Variants in CNIH3 observed in about 807,000 individuals in gnomAD.
The protein encoded by CNIH3 is cornichon family AMPA receptor auxiliary protein 3, also known as protein cornichon homolog 3.
A neutral mutation model predicts 24.1 loss-of-function variants in CNIH3; 14 were observed. The observed-to-expected ratio is 0.58, with a 90% confidence interval of 0.38 to 0.91. The LOEUF is 0.91. CNIH3 is among the 40% of genes least tolerant of loss of function. The pLI is 0.00. For synonymous variants in CNIH3, 68 were observed against 73.8 expected (o/e 0.92, Z 0.40); for missense variants, 178 against 196.8 (o/e 0.90, Z 0.57).
chr1:224,444,552 A>G (rs1675063443), intron 1 of CNIH3, among the ~76,000 whole-genome samples: 1 of 151,318 alleles, frequency 6.6e-6, no homozygotes, highest in Non-Finnish European at 1.5e-5. Context: ...GTTTCACCAT[A>G]TTGGCCAGGC....
At chr1:224,608,638 C>T (rs144407897) in intron 3 of CNIH3, among the ~76,000 whole-genome samples, 80 of 152,306 alleles carry the variant, frequency 5.3e-4, no homozygotes, top group African/African-American at 1.5e-3. Context: ...GCCCAGGGCA[C>T]GGCGCCGGGC....
intron 1 of CNIH3, among the ~76,000 whole-genome samples, chr1:224,673,314 T>TG (rs960152990): frequency 1.3e-5 from 2 of 152,176 alleles, no homozygotes; most frequent in Admixed American, 1.3e-4. Flanking sequence ...CTGTCTATTT[T>TG]GGGGAGCTGC....
upstream of CNIH3, among the ~76,000 whole-genome samples, chr1:224,615,046 C>T (rs1259852735): frequency 6.6e-6 from 1 of 152,166 alleles, no homozygotes; most frequent in African/African-American, 2.4e-5. Context: ...GATTAGGAGT[C>T]CGCAGACAGG....
At chr1:224,699,126 C>G (rs1216997666) in intron 3 of CNIH3, among the ~76,000 whole-genome samples, 1 of 152,178 alleles carries the variant, frequency 6.6e-6, no homozygotes. Context: ...TTTTTCAGAG[C>G]AAGCTTGGCA....
At chr1:224,523,195 G>C (rs1486783098) in intron 2 of CNIH3, among the ~76,000 whole-genome samples, 1 of 151,778 alleles carries the variant, frequency 6.6e-6, no homozygotes, top group Non-Finnish European at 1.5e-5. Flanking sequence ...GCTATGATTG[G>C]GCCACTGCAC....
chr1:224,687,386 C>A (rs539483724), intron 3 of CNIH3, among the ~76,000 whole-genome samples: 14 of 152,274 alleles, frequency 9.2e-5, no homozygotes, highest in African/African-American at 3.4e-4. Context: ...GCATGCACCA[C>A]CATGCCTGGC....
At chr1:224,617,882 G>T (rs577212943) in intron 1 of CNIH3, among the ~76,000 whole-genome samples, 2 of 152,274 alleles carry the variant, frequency 1.3e-5, no homozygotes, top group African/African-American at 4.8e-5. Context: ...AAGTCACGAA[G>T]AGAGACCGTG....
intron 3 of CNIH3, among the ~76,000 whole-genome samples, chr1:224,698,357 G>A (rs1413070612): frequency 3.3e-5 from 5 of 152,214 alleles, no homozygotes; most frequent in African/African-American, 1.2e-4. Context: ...GGAGGTAGGC[G>A]GGGAACACGC....
intron 3 of CNIH3, among the ~76,000 whole-genome samples, chr1:224,605,494 T>C (rs1184638418): frequency 6.6e-6 from 1 of 152,220 alleles, no homozygotes; most frequent in Non-Finnish European, 1.5e-5. Context: ...GTAAAACTAA[T>C]GAAAGGCCAC....
intron 4 of CNIH3, among the ~76,000 whole-genome samples, chr1:224,733,578 A>G (rs1689443140): frequency 6.6e-6 from 1 of 152,198 alleles, no homozygotes; most frequent in African/African-American, 2.4e-5. Context: ...GCGAGTTGCT[A>G]CATTGCAGGA....
At chr1:224,519,000 G>A (rs1416002453) in intron 1 of CNIH3, among the ~76,000 whole-genome samples, 1 of 152,128 alleles carries the variant, frequency 6.6e-6, no homozygotes, top group Non-Finnish European at 1.5e-5. Context: ...ATCCATAAAA[G>A]GAATTAATAA....
At chr1:224,686,128 G>A (rs1456687385) in intron 3 of CNIH3, among the ~76,000 whole-genome samples, 1 of 150,306 alleles carries the variant, frequency 6.7e-6, no homozygotes, top group Non-Finnish European at 1.5e-5. Context: ...TTTACATTAG[G>A]TATATCTCCT....
chr1:224,628,747 C>CCATGA (rs1376080072), intron 1 of CNIH3, among the ~76,000 whole-genome samples: 1 of 152,008 alleles, frequency 6.6e-6, no homozygotes, highest in African/African-American at 2.4e-5. Context: ...CTGGTTTAGG[C>CCATGA]CATGAGGGGA....
At chr1:224,529,826 T>C (rs1239401232) in intron 2 of CNIH3, among the ~76,000 whole-genome samples, 1 of 152,252 alleles carries the variant, frequency 6.6e-6, no homozygotes, top group Non-Finnish European at 1.5e-5. Context: ...TTGTTTCTGA[T>C]AACGGGCTGT....
intron 1 of CNIH3, among the ~76,000 whole-genome samples, chr1:224,498,890 G>A (rs747784948): frequency 1.8e-4 from 27 of 152,240 alleles, no homozygotes; most frequent in Non-Finnish European, 2.4e-4. Context: ...CTCTAGGAGA[G>A]ATTCGCATTT....
chr1:224,638,292 T>G (rs1438512365), intron 1 of CNIH3, among the ~76,000 whole-genome samples: 1 of 152,188 alleles, frequency 6.6e-6, no homozygotes, highest in South Asian at 2.1e-4. Context: ...TTGAACACCA[T>G]GGGGAGATTC....
chr1:224,473,670 AAG>A (rs142766780), intron 1 of CNIH3, among the ~76,000 whole-genome samples: 7 of 150,960 alleles, frequency 4.6e-5, no homozygotes, highest in Admixed American at 6.6e-5. Context: ...ACTAGAGCTA[AAG>A]AGAGAGAGAG....
At chr1:224,446,218 T>TG (rs1415410389) in intron 1 of CNIH3, among the ~76,000 whole-genome samples, 2 of 151,232 alleles carry the variant, frequency 1.3e-5, no homozygotes, top group African/African-American at 2.4e-5. Flanking sequence ...CTTTGTTTTT[T>TG]TTTTTTTTTT....
chr1:224,625,779 G>T (rs995395205), intron 1 of CNIH3, among the ~76,000 whole-genome samples: 1 of 152,176 alleles, frequency 6.6e-6, no homozygotes, highest in Non-Finnish European at 1.5e-5. Context: ...GACAGGAAAG[G>T]GCTGTCAGAT....
Sources: allele counts gnomAD v4.1 joint callset (sites outside exome capture counted in the v4.1 genomes callset), GRCh38; gene constraint gnomAD v4.1.1; transcripts MANE v1.5; gene names NCBI Gene and HGNC (gene_info 2026-07-23, HGNC 2026-07-21).